Variants in STK3 observed in about 807,000 individuals in gnomAD.
STK3 encodes the protein serine/threonine-protein kinase 3.
In STK3, 41 loss-of-function variants were observed where a neutral mutation model predicts 58.0. The ratio of observed to expected loss-of-function variants is 0.71; its 90% confidence interval spans 0.55 to 0.92. STK3 has a LOEUF of 0.92. Ranked by LOEUF, STK3 falls within the 40% of genes least tolerant of loss-of-function variation. STK3 has a pLI of 0.00. For missense variants in STK3, 479 were observed against 602.7 expected, an observed-to-expected ratio of 0.79 and a Z score of 2.15; for synonymous variants, 170 against 191.0, an observed-to-expected ratio of 0.89 and a Z score of 0.91.
At chr8:98,699,943 G>T (rs931439109) in intron 6 of STK3, among the ~76,000 whole-genome samples, 1 of 152,224 alleles carries the variant, frequency 6.6e-6, no homozygotes, top group African/African-American at 2.4e-5. Flanking sequence ...CTGTCTTTTT[G>T]TTTGTCTGTG....
chr8:98,357,050 G>A, the STK3 span, among the ~76,000 whole-genome samples: 1 of 152,230 alleles, frequency 6.6e-6, no homozygotes, highest in African/African-American at 2.4e-5. Flanking sequence ...CACGTAGCCT[G>A]TCTGCCCTCT....
intron 1 of STK3, among the ~76,000 whole-genome samples, chr8:98,899,207 G>GCATTTCAT (rs1838566368): frequency 2.0e-5 from 3 of 152,190 alleles, no homozygotes; most frequent in Non-Finnish European, 4.4e-5. Context: ...CACCCAGGCA[G>GCATTTCAT]CATTTCATGG....
At chr8:98,739,864 G>A (rs1486256602) in intron 4 of STK3, among the ~76,000 whole-genome samples, 1 of 151,002 alleles carries the variant, frequency 6.6e-6, no homozygotes, top group African/African-American at 2.4e-5. Flanking sequence ...TTAGACGAAT[G>A]TATAACTAGA....
At chr8:98,504,159 C>T (rs1451631127) in intron 10 of STK3, among the ~76,000 whole-genome samples, 1 of 152,072 alleles carries the variant, frequency 6.6e-6, no homozygotes, top group African/African-American at 2.4e-5. Flanking sequence ...TTCTTTGTCT[C>T]TTTTGATCTT....
intron 1 of STK3, chr8:98,906,313 G>A (rs1408152832): frequency 6.6e-6 from 1 of 152,578 alleles, no homozygotes; most frequent in Non-Finnish European, 1.5e-5. Flanking sequence ...AAATCTATGA[G>A]GGCAGAACTT....
In STK3 at chr8:98,669,472, C is replaced by G. The variant is rs965005586; in HGVS notation, c.684+36995G>C. 2.0e-5 allele frequency among the ~76,000 whole-genome samples: 3 copies of G among 152,028 alleles called. No homozygotes were observed. In the South Asian group the frequency reaches 6.2e-4, roughly 32 times the overall value. ...GGTTGGTTCAAATACAGGAAGACACCCTTTGTATACATTTGACTAATTAGT... is the reference window on the plus strand; with the variant it reads ...GGTTGGTTCAAATACAGGAAGACACGCTTTGTATACATTTGACTAATTAGT... On this transcript the variant is annotated intron_variant, in intron 6 of 10. Transcript: ENST00000419617.
At chr8:98,648,830 G>A (rs1587146774) in intron 6 of STK3, among the ~76,000 whole-genome samples, 1 of 151,662 alleles carries the variant, frequency 6.6e-6, no homozygotes, top group African/African-American at 2.4e-5. Flanking sequence ...GGCGGAAGTT[G>A]CAGTGAGCCA....
chr8:98,924,493 TC>T (rs1249765507), intron 1 of STK3, among the ~76,000 whole-genome samples: 1 of 152,222 alleles, frequency 6.6e-6, no homozygotes, highest in African/African-American at 2.4e-5. Flanking sequence ...CCCAGATGGC[TC>T]CTGAAACCAC....
chr8:98,369,556 G>T (rs1305445192), downstream of STK3, among the ~76,000 whole-genome samples: 1 of 152,164 alleles, frequency 6.6e-6, no homozygotes, highest in Non-Finnish European at 1.5e-5. Context: ...GCAGGCCTGG[G>T]ATTCCAGAAA....
chr8:98,790,550 A>G (rs1832742786), intron 1 of STK3, among the ~76,000 whole-genome samples: 1 of 152,246 alleles, frequency 6.6e-6, no homozygotes, highest in Admixed American at 6.5e-5. Flanking sequence ...ACAAACCCAC[A>G]GCCAATGTAA....
intron 10 of STK3, among the ~76,000 whole-genome samples, chr8:98,469,129 G>A (rs1464780248): frequency 2.7e-5 from 4 of 150,664 alleles, no homozygotes; most frequent in Non-Finnish European, 5.9e-5. Context: ...AGAAAGAAAA[G>A]AAAGATGAGA....
intron 4 of STK3, among the ~76,000 whole-genome samples, chr8:98,740,362 C>T (rs957530409): frequency 4.6e-5 from 7 of 152,278 alleles, no homozygotes; most frequent in East Asian, 3.9e-4. Context: ...GGGTTACCCA[C>T]AAAGGGAAGC....
At chr8:98,649,498 T>A (rs989895241) in intron 6 of STK3, among the ~76,000 whole-genome samples, 1 of 152,190 alleles carries the variant, frequency 6.6e-6, no homozygotes, top group Non-Finnish European at 1.5e-5. Context: ...TTAGGTATTG[T>A]AAGAGACCAA....
intron 1 of STK3, among the ~76,000 whole-genome samples, chr8:98,907,818 A>G (rs1838975503): frequency 6.6e-6 from 1 of 152,250 alleles, no homozygotes; most frequent in African/African-American, 2.4e-5. Flanking sequence ...GACTAGGTCC[A>G]TAACTTGCAT....
chr8:98,440,767 G>A (rs1247193046), intron 1 of STK3, among the ~76,000 whole-genome samples: 1 of 152,210 alleles, frequency 6.6e-6, no homozygotes, highest in Non-Finnish European at 1.5e-5. Flanking sequence ...GCACATGTCC[G>A]TGCATTTCCC....
chr8:98,703,373 T>C (rs1338368539), intron 6 of STK3, among the ~76,000 whole-genome samples: 1 of 152,152 alleles, frequency 6.6e-6, no homozygotes, highest in Non-Finnish European at 1.5e-5. Flanking sequence ...GGATAAAATA[T>C]TTATTTCACA....
At chr8:98,608,460 C>G (rs1255286917) in intron 6 of STK3, among the ~76,000 whole-genome samples, 1 of 152,270 alleles carries the variant, frequency 6.6e-6, no homozygotes, top group Middle Eastern at 3.4e-3. Context: ...TCACCAGCAA[C>G]AGTACCACAA....
At chr8:98,760,166 G>A (rs1045617595) in intron 3 of STK3, among the ~76,000 whole-genome samples, 2 of 151,946 alleles carry the variant, frequency 1.3e-5, no homozygotes, top group Non-Finnish European at 2.9e-5. Context: ...TTAAGAGACA[G>A]GGTATCACTC....
intron 1 of STK3, among the ~76,000 whole-genome samples, chr8:98,940,522 G>A (rs1197559115): frequency 6.6e-6 from 1 of 152,158 alleles, no homozygotes; most frequent in Non-Finnish European, 1.5e-5. Context: ...GGGTGCCTGC[G>A]GCTGGCTGGC....
Sources: allele counts gnomAD v4.1 joint callset (sites outside exome capture counted in the v4.1 genomes callset), GRCh38; gene constraint gnomAD v4.1.1; transcripts MANE v1.5; gene names NCBI Gene and HGNC (gene_info 2026-07-23, HGNC 2026-07-21).